The following FRMD6 variants were observed in gnomAD, a reference collection of about 807,000 sequenced individuals.
The protein encoded by FRMD6 is FERM domain containing 6.
FRMD6 carries 37 observed loss-of-function variants against 73.2 expected under a neutral mutation model. The observed-to-expected ratio is 0.51, with a 90% confidence interval of 0.39 to 0.66. The LOEUF is 0.66. Ranked by LOEUF, FRMD6 falls within the 30% of genes least tolerant of loss-of-function variation. FRMD6 has a pLI of 0.00. For synonymous variants in FRMD6, 273 were observed against 282.2 expected (o/e 0.97, Z 0.33); for missense variants, 714 against 780.5 (o/e 0.91, Z 1.02).
At chr14:51,463,995 A>C in the FRMD6 span, among the ~76,000 whole-genome samples, 1 of 152,094 alleles carries the variant, frequency 6.6e-6, no homozygotes, top group Non-Finnish European at 1.5e-5. Context: ...TTCGTTTTAG[A>C]GACGGGGTTT....
At chr14:51,496,873 G>T (rs1021994229) in intron 1 of FRMD6, among the ~76,000 whole-genome samples, 1 of 152,012 alleles carries the variant, frequency 6.6e-6, no homozygotes, top group East Asian at 1.9e-4. Context: ...ATGATTTTTT[G>T]ATCTGCCATC....
the FRMD6 span, among the ~76,000 whole-genome samples, chr14:51,431,146 G>A: frequency 1.3e-5 from 2 of 152,148 alleles, no homozygotes; most frequent in African/African-American, 4.8e-5. Flanking sequence ...CCTGTGGATG[G>A]CCAAGTTCAA....
At chr14:51,471,457 C>T in the FRMD6 span, among the ~76,000 whole-genome samples, 1 of 150,570 alleles carries the variant, frequency 6.6e-6, no homozygotes, top group East Asian at 2.0e-4. Flanking sequence ...GCCGAGATAG[C>T]GCCACTGCAC....
chr14:51,708,091 G>A lies in FRMD6; in HGVS notation c.572G>A (p.Arg191Lys). 6.2e-7 allele frequency: 1 copy of A among 1,613,080 alleles called. No homozygotes were observed. The highest frequency in any genetic ancestry group is 8.5e-7 in the Non-Finnish European group (1 of 1,179,358). Residue 191 changes from arginine to lysine, a missense_variant, in exon 7 of 14, where the codon AGG (arginine) becomes AAG (lysine). Physicochemically the swap from Arg to Lys is conservative, Grantham distance 26. Coordinates refer to ENST00000344768, the MANE Select transcript of FRMD6 (RefSeq NM_001267046.2). Reference sequence around the variant, plus strand: ...GTATCCCAACAGGTTGTTTCCAAGAGGGGGAAGGACTACATCCTGAAGCAC... The same window carrying A: ...GTATCCCAACAGGTTGTTTCCAAGAAGGGGAAGGACTACATCCTGAAGCAC... ...AYFPSWVVSK[R>K]GKDYILKHIP...
At chr14:51,458,477 G>A in the FRMD6 span, among the ~76,000 whole-genome samples, 10 of 152,286 alleles carry the variant, frequency 6.6e-5, no homozygotes, top group African/African-American at 2.4e-4. Flanking sequence ...TGTTTTAAAT[G>A]GGTTAAGTCC....
At chr14:51,435,373 C>T in the FRMD6 span, among the ~76,000 whole-genome samples, 15 of 149,272 alleles carry the variant, frequency 1.0e-4, no homozygotes, top group Non-Finnish European at 1.9e-4. Flanking sequence ...CCCAAGAGTT[C>T]GAGACCAGCC....
intron 1 of FRMD6, among the ~76,000 whole-genome samples, chr14:51,660,660 T>C (rs1566540319): frequency 3.3e-5 from 5 of 149,936 alleles, no homozygotes; most frequent in African/African-American, 1.2e-4. Flanking sequence ...TATATTCTAT[T>C]AGGAGGCAAT....
chr14:51,437,018 G>C, the FRMD6 span: 1 of 613,564 alleles, frequency 1.6e-6, no homozygotes. Context: ...TTAAGTTCTG[G>C]GATACATGTG....
At chr14:51,583,489 A>G (rs1047498109) in intron 2 of FRMD6, among the ~76,000 whole-genome samples, 2 of 152,206 alleles carry the variant, frequency 1.3e-5, no homozygotes, top group African/African-American at 4.8e-5. Context: ...TGCAATAATA[A>G]TAATAGATGA....
At chr14:51,503,588 A>G (rs961675720) in intron 1 of FRMD6, among the ~76,000 whole-genome samples, 11 of 152,118 alleles carry the variant, frequency 7.2e-5, no homozygotes, top group African/African-American at 2.7e-4. Context: ...GTGGTGGATA[A>G]GCTTTTTAAC....
intron 1 of FRMD6, among the ~76,000 whole-genome samples, chr14:51,526,470 C>T (rs1208516963): frequency 6.6e-6 from 1 of 152,154 alleles, no homozygotes; most frequent in African/African-American, 2.4e-5. Flanking sequence ...CTCCCTTGCC[C>T]CTTGGGTGGG....
chr14:51,445,912 C>G, the FRMD6 span, among the ~76,000 whole-genome samples: 1 of 152,160 alleles, frequency 6.6e-6, no homozygotes, highest in Non-Finnish European at 1.5e-5. Context: ...ATGTTACATA[C>G]CAGGTATTTT....
chr14:51,706,723 C>T (rs1896645013), intron 6 of FRMD6, among the ~76,000 whole-genome samples: 1 of 151,966 alleles, frequency 6.6e-6, no homozygotes, highest in Non-Finnish European at 1.5e-5. Context: ...TCAAGAAGAA[C>T]CTGGGAATAG....
chr14:51,556,302 C>T (rs140683643), intron 1 of FRMD6, among the ~76,000 whole-genome samples: 201 of 152,334 alleles, frequency 1.3e-3, no homozygotes, highest in African/African-American at 4.6e-3. Flanking sequence ...CTATAAATTA[C>T]ATATTTGAAT....
intron 7 of FRMD6, among the ~76,000 whole-genome samples, chr14:51,709,828 A>C (rs536647719): frequency 6.6e-6 from 1 of 152,310 alleles, no homozygotes; most frequent in African/African-American, 2.4e-5. Flanking sequence ...CTTTGGAATC[A>C]GATGTCAATT....
intron 1 of FRMD6, among the ~76,000 whole-genome samples, chr14:51,511,466 T>G (rs1884306996): frequency 6.6e-6 from 1 of 152,206 alleles, no homozygotes; most frequent in Non-Finnish European, 1.5e-5. Flanking sequence ...ACACAAATAC[T>G]TGTAGTTGTA....
At chr14:51,720,439 T>G (rs764759652) in intron 11 of FRMD6, 49 bp downstream of exon 11, 1 of 1,566,998 alleles carries the variant, frequency 6.4e-7, no homozygotes, top group Non-Finnish European at 8.8e-7. Context: ...TCCCAGTTTT[T>G]TCAAGCATTG....
intron 1 of FRMD6, among the ~76,000 whole-genome samples, chr14:51,498,684 C>T (rs2140200243): frequency 6.6e-6 from 1 of 152,232 alleles, no homozygotes; most frequent in South Asian, 2.1e-4. Flanking sequence ...TCTGAGAGTA[C>T]AGTACAAGCT....
chr14:51,596,282 G>A lies in FRMD6; in HGVS notation c.-147+25872G>A, dbSNP rs202114285. Among the ~76,000 whole-genome samples, 27 of 105,764 alleles carry A rather than the reference G, an allele frequency of 2.6e-4. 2 individuals are homozygous for A. The South Asian group carries it at 8.5e-3, about 33-fold the overall frequency. The allele number at this position is 105,764 out of a possible 152,430, so 69.4% of individuals were successfully genotyped here. A position where few individuals can be genotyped will look rare whatever the true frequency, so the allele number is the denominator to read the frequency against. On this transcript the variant is annotated intron_variant, in intron 2 of 14. Transcript: ENST00000356218. The stretch of plus-strand genomic sequence containing the variant: ...GTGTGTGTGTGTGTGTGTGTGTATG[G>A]GTATGTGTGAAATTCCACAGGAAAT...
Sources: gnomAD v4.1 joint callset for allele counts (sites outside exome capture counted in the v4.1 genomes callset) on GRCh38, gnomAD v4.1.1 for gene constraint, MANE v1.5 for transcripts, NCBI Gene and HGNC (gene_info 2026-07-23, HGNC 2026-07-21) for gene names.